Variants in ALG9 observed in about 807,000 individuals in gnomAD.
The protein encoded by ALG9 is ALG9 alpha-1,2-mannosyltransferase, also known as alpha-1,2-mannosyltransferase ALG9.
ALG9 carries 55 observed loss-of-function variants against 81.8 expected under a neutral mutation model. The ratio of observed to expected loss-of-function variants is 0.67; its 90% CI spans 0.54 to 0.84. The LOEUF is 0.84. Ranked by LOEUF, ALG9 falls within the 40% of genes least tolerant of loss-of-function variation. The pLI is 0.00. For synonymous variants in ALG9, 278 were observed against 274.3 expected (o/e 1.01, Z -0.13); for missense variants, 629 against 745.0 (o/e 0.84, Z 1.81).
At chr11:111,769,160 ACTT>A in the ALG9 span, 1 of 150,164 alleles carries the variant, frequency 6.7e-6, no homozygotes, top group African/African-American at 2.5e-5. Context: ...AAAAAAAAAA[ACTT>A]AGCAGGACGT....
At chr11:111,852,421 G>A (rs1555139401) in intron 8 of ALG9, among the ~76,000 whole-genome samples, 1 of 152,098 alleles carries the variant, frequency 6.6e-6, no homozygotes, top group Non-Finnish European at 1.5e-5. Context: ...GGGAAGGAGT[G>A]GAGATGGGGT....
At chr11:111,787,229 G>C (rs1331794980) in intron 14 of ALG9, among the ~76,000 whole-genome samples, 1 of 151,886 alleles carries the variant, frequency 6.6e-6, no homozygotes, top group Non-Finnish European at 1.5e-5. Flanking sequence ...TCAGGAGTTC[G>C]AGACCAGCCA....
chr11:111,864,341 C>A, intron 4 of ALG9: 1 of 777,974 alleles, frequency 1.3e-6, no homozygotes, highest in Non-Finnish European at 2.4e-6. Flanking sequence ...AAAAGTTTCC[C>A]AGGCAGCTGC....
At chr11:111,817,559 C>G (rs1487623779) in intron 13 of ALG9, 1 of 152,058 alleles carries the variant, frequency 6.6e-6, no homozygotes, top group Non-Finnish European at 1.5e-5. Flanking sequence ...CTCAAGTGAT[C>G]CTACTACCTC....
intron 5 of ALG9, among the ~76,000 whole-genome samples, chr11:111,860,111 A>T (rs1959542750): frequency 6.6e-6 from 1 of 152,234 alleles, no homozygotes; most frequent in African/African-American, 2.4e-5. Context: ...AGAATCATCA[A>T]CAACAGGTCT....
At chr11:111,852,942 CAAAA>C (rs71461596) in intron 8 of ALG9, among the ~76,000 whole-genome samples, 2 of 106,160 alleles carry the variant, frequency 1.9e-5, no homozygotes. Context: ...AACTCCACCT[CAAAA>C]AAAAAAAAAA....
intron 8 of ALG9, among the ~76,000 whole-genome samples, 195 bp downstream of exon 8, chr11:111,853,185 C>T (rs1240952565): frequency 2.0e-5 from 3 of 151,870 alleles, no homozygotes; most frequent in East Asian, 3.9e-4. Context: ...TGGAATATCA[C>T]ATTAATCAAG....
chr11:111,783,739 A>G lies in ALG9; in HGVS notation c.*2658T>C, dbSNP rs1481077172. The G allele has an allele frequency of 6.6e-6, 1 of 152,206 alleles. No homozygotes were observed. The highest frequency in any genetic ancestry group is 1.5e-5 in the Non-Finnish European group (1 of 68,034). The allele number at this position is 152,206 out of a possible 1,614,324, so 9.4% of individuals were successfully genotyped here. On this transcript the variant is annotated 3_prime_UTR_variant, in exon 15 of 15. Transcript: ENST00000616540. The stretch of plus-strand genomic sequence containing the variant: ...TTCACAACAAAAAACATTCATTTCT[A>G]TATTCCTTACCTATAACATTTGGCA...
intron 14 of ALG9, among the ~76,000 whole-genome samples, chr11:111,799,985 C>T (rs529008353): frequency 2.0e-5 from 3 of 152,108 alleles, no homozygotes; most frequent in Non-Finnish European, 2.9e-5. Flanking sequence ...GCTCAAGCAC[C>T]CCCTCCTTCT....
Position 111,786,230 on chromosome 11 carries a change from T to A in ALG9, c.*167A>T, listed in dbSNP as rs1443422706. ...ACACACACAGGGAGCAAATGTGACT[T>A]TGATTAGACTTTGAAATAGACTTTG... On this transcript the variant is annotated 3_prime_UTR_variant, in exon 15 of 15. Coordinates refer to ENST00000616540, the MANE Select transcript of ALG9 (RefSeq NM_024740.2). The A allele has an allele frequency of 1.8e-6, 2 of 1,117,892 alleles. No homozygotes were observed. The highest frequency in any genetic ancestry group is 5.0e-5 in the East Asian group (2 of 39,608). The allele number at this position is 1,117,892 out of a possible 1,614,324, so 69.2% of individuals were successfully genotyped here.
intron 13 of ALG9, among the ~76,000 whole-genome samples, chr11:111,821,334 T>A (rs1234546029): frequency 6.6e-6 from 1 of 152,080 alleles, no homozygotes; most frequent in Non-Finnish European, 1.5e-5. Flanking sequence ...ACATCCTACT[T>A]GGCACTGTCC....
At chr11:111,802,301 T>C (rs1949249094) in intron 14 of ALG9, among the ~76,000 whole-genome samples, 2 of 152,214 alleles carry the variant, frequency 1.3e-5, no homozygotes, top group South Asian at 2.1e-4. Flanking sequence ...GTATAAATGA[T>C]TGAAATGTCC....
intron 14 of ALG9, among the ~76,000 whole-genome samples, chr11:111,809,407 G>A (rs568852419): frequency 1.3e-5 from 2 of 152,212 alleles, no homozygotes; most frequent in East Asian, 1.9e-4. Context: ...GTGTGCGCCT[G>A]TAATCCCAGC....
intron 5 of ALG9, among the ~76,000 whole-genome samples, chr11:111,858,982 G>T (rs947672369): frequency 1.3e-5 from 2 of 152,158 alleles, no homozygotes; most frequent in Admixed American, 1.3e-4. Flanking sequence ...AGGTGTGGGG[G>T]GCTGCTTGAG....
rs749382049 is a variant in ALG9 at position 111,853,576 on chromosome 11, G to C, written c.789+73C>G. 55 of 1,564,154 alleles carry C rather than the reference G, an allele frequency of 3.5e-5. 1 individual carries two copies. The highest frequency in any genetic ancestry group is 4.6e-5 in the Non-Finnish European group (52 of 1,135,030). ...AGAATGAAAAACAGAATAAACTCCTGATGTTCCTTTTTTCACATCAAAGTT... is the reference window on the plus strand; with the variant it reads ...AGAATGAAAAACAGAATAAACTCCTCATGTTCCTTTTTTCACATCAAAGTT... On this transcript the variant is annotated intron_variant, in intron 7 of 14. Coordinates refer to ENST00000616540, the MANE Select transcript of ALG9 (RefSeq NM_024740.2).
chr11:111,823,055 T>A lies in ALG9; in HGVS notation c.1602+13110A>T, dbSNP rs1382608827. ...CAAAAATAAAAAAGAAGCTCTGTAT[T>A]TTCTGCCTCCGACTAAGTGCTCTTT... is the stretch of plus-strand genomic sequence containing the variant. On this transcript the variant is annotated intron_variant, in intron 13 of 14. Transcript: ENST00000616540. Among the ~76,000 whole-genome samples the A allele has an allele frequency of 3.3e-5, 5 of 152,260 alleles. No homozygotes were observed. In the South Asian group the frequency reaches 6.2e-4, roughly 19 times the overall value.
At position 111,785,840 on chromosome 11, in the gene ALG9, A is replaced by G. The variant is rs1946403204; in HGVS notation, c.*557T>C. 1 of 357,402 alleles carries G rather than the reference A, an allele frequency of 2.8e-6. No individual in the cohort carries two copies. The highest frequency in any genetic ancestry group is 2.1e-5 in the African/African-American group (1 of 46,750). The allele number at this position is 357,402 out of a possible 1,614,324, so 22.1% of individuals were successfully genotyped here. On this transcript the variant is annotated 3_prime_UTR_variant, in exon 15 of 15. Transcript: ENST00000616540. ...GGGTCCTAGTCCTGTGAAGTGCTTT[A>G]AAGAAGCTTAGTCTTGCTGGAGGTG...
chr11:111,785,119 A>T lies in ALG9; in HGVS notation c.*1278T>A, dbSNP rs1946333497. The T allele has an allele frequency of 6.6e-6, 1 of 152,642 alleles. No homozygotes were observed. The highest frequency in any genetic ancestry group is 2.4e-5 in the African/African-American group (1 of 41,464). The allele number at this position is 152,642 out of a possible 1,614,324, so 9.5% of individuals were successfully genotyped here. A position where few individuals can be genotyped will look rare whatever the true frequency, so the allele number is the denominator to read the frequency against. The stretch of plus-strand genomic sequence containing the variant: ...GGAATATGGAGGAGCAATAGATGAG[A>T]GTAAGGAAACCTGGGTTCCAGTCCC... On this transcript the variant is annotated 3_prime_UTR_variant, in exon 15 of 15. Transcript: ENST00000616540.
chr11:111,839,900 A>G (rs1016020226), intron 10 of ALG9, among the ~76,000 whole-genome samples: 2 of 152,188 alleles, frequency 1.3e-5, no homozygotes, highest in Admixed American at 1.3e-4. Flanking sequence ...AGGCAAATCT[A>G]TAAGAACAGA....
Sources: gnomAD v4.1 joint callset for allele counts (sites outside exome capture counted in the v4.1 genomes callset) on GRCh38, gnomAD v4.1.1 for gene constraint, MANE v1.5 for transcripts, NCBI Gene and HGNC (gene_info 2026-07-23, HGNC 2026-07-21) for gene names.